Variants in DAB2IP observed in about 807,000 individuals in gnomAD.
The protein encoded by DAB2IP is DAB2 interacting protein, also known as disabled homolog 2-interacting protein.
A neutral mutation model predicts 107.2 loss-of-function variants in DAB2IP; 28 were observed. That is an observed-to-expected ratio of 0.26 (90% CI 0.19 to 0.36). DAB2IP has a LOEUF of 0.36. DAB2IP is among the 10% of genes least tolerant of loss of function. The pLI is 1.00. For missense variants in DAB2IP, 1,400 were observed against 1,644.7 expected, an observed-to-expected ratio of 0.85 and a Z score of 2.57; for synonymous variants, 755 against 706.4, an observed-to-expected ratio of 1.07 and a Z score of -1.09.
At chr9:121,610,796 C>A (rs955286965) in intron 1 of DAB2IP, among the ~76,000 whole-genome samples, 1 of 152,044 alleles carries the variant, frequency 6.6e-6, no homozygotes, top group South Asian at 2.1e-4. Flanking sequence ...AGAGGAAGGG[C>A]GTATTTGAAG....
rs374196620 is a variant in DAB2IP at position 121,770,590 on chromosome 9, C to T, written c.1944C>T (p.Asp648=). 3.0e-5 allele frequency: 49 copies of T among 1,614,012 alleles called. No individual in the cohort carries two copies. In the African/African-American group the frequency reaches 3.6e-4, roughly 12 times the overall value. The stretch of plus-strand genomic sequence containing the variant: ...GACCCCTGCCTCGGATCCTGAGGGA[C>T]GTCCACACAGCACTGAGCACCCCAG... Residue 648 remains aspartate (D), a synonymous_variant, in exon 11 of 16, where the codon GAC becomes GAT. Coordinates refer to ENST00000408936, the Ensembl canonical transcript of DAB2IP.
chr9:121,611,174 A>T (rs922127065), intron 1 of DAB2IP, among the ~76,000 whole-genome samples: 4 of 152,204 alleles, frequency 2.6e-5, no homozygotes, highest in Admixed American at 2.0e-4. Flanking sequence ...AGATTTTGCC[A>T]TGTTGGCCAG....
intron 2 of DAB2IP, among the ~76,000 whole-genome samples, chr9:121,685,447 G>A (rs1044525472): frequency 1.3e-5 from 2 of 152,186 alleles, no homozygotes; most frequent in Admixed American, 6.5e-5. Flanking sequence ...TATTGGTAGG[G>A]TTGGGAGGCT....
At position 121,671,570 on chromosome 9, in the gene DAB2IP, AG is replaced by A. The variant is rs1174489401; in HGVS notation, c.125-7106del. Among the ~76,000 whole-genome samples the A allele has an allele frequency of 8.5e-5, 13 of 152,312 alleles. No homozygotes were observed. In the East Asian group the frequency reaches 1.5e-3, roughly 18 times the overall value. On this transcript the variant is annotated intron_variant, in intron 1 of 15. Transcript: ENST00000408936. ...GTTTGTTTAACCATTCATCTATAGAAGGATGTTTGGTTGTTTCCAGTTTTGG... is the reference window on the plus strand; with the variant it reads ...GTTTGTTTAACCATTCATCTATAGAAGATGTTTGGTTGTTTCCAGTTTTGG...
intron 1 of DAB2IP, among the ~76,000 whole-genome samples, chr9:121,579,255 A>G (rs1830136683): frequency 6.6e-6 from 1 of 152,110 alleles, no homozygotes; most frequent in African/African-American, 2.4e-5. Context: ...CTAGCAGAGA[A>G]TGAGGCCTCA....
Position 121,776,172 on chromosome 9 carries a change from G to A in DAB2IP, c.3121-26G>A, listed in dbSNP as rs1356552495. 6 of 1,557,354 alleles carry A rather than the reference G, an allele frequency of 3.9e-6. No individual in the cohort carries two copies. The African/African-American group carries it at 4.1e-5, about 11-fold the overall frequency. ...GTGCTCTCTGTGTCCTGGGTGCTGT[G>A]CCCGTGGACGCTGCCCTCCTGGTAG... On this transcript the variant is annotated intron_variant, in intron 13 of 15. Coordinates refer to ENST00000408936, the Ensembl canonical transcript of DAB2IP. This position sits in a 1 kb window ranked among gnomAD's most constrained non-coding sequence, Gnocchi z 5.4.
chr9:121,770,418 TG>T, intron 10 of DAB2IP, 127 bp from the exon 11 acceptor site: 1 of 1,033,216 alleles, frequency 9.7e-7, no homozygotes, highest in Non-Finnish European at 1.4e-6. Flanking sequence ...TGGCTCTGAC[TG>T]GCAGCAGGTG....
At chr9:121,764,859 C>G (rs1834156529) in intron 8 of DAB2IP, among the ~76,000 whole-genome samples, 1 of 152,230 alleles carries the variant, frequency 6.6e-6, no homozygotes, top group Non-Finnish European at 1.5e-5. Context: ...CTGATCCCAT[C>G]AGGATAGGGT....
chr9:121,770,661 G>C, exon 11 of DAB2IP: 1 of 1,614,178 alleles, frequency 6.2e-7, no homozygotes, highest in Non-Finnish European at 8.5e-7. Flanking sequence ...TCCACACCGG[G>C]CTCTGGCAGC....
chr9:121,597,651 A>G (rs4837883), intron 1 of DAB2IP, among the ~76,000 whole-genome samples: 36,131 of 152,160 alleles, frequency 0.24, 5,184 homozygotes, highest in South Asian at 0.39. Flanking sequence ...TTACAAAAGG[A>G]TTTCTTGCAT....
exon 16 of DAB2IP, chr9:121,783,342 A>G (rs545195354): frequency 1.4e-6 from 2 of 1,451,094 alleles, no homozygotes; most frequent in South Asian, 2.9e-5. Context: ...ATCTGGCCAG[A>G]TGGCTCTGAG....
chr9:121,618,462 G>A (rs1231874822), intron 1 of DAB2IP, among the ~76,000 whole-genome samples: 1 of 152,080 alleles, frequency 6.6e-6, no homozygotes, highest in Non-Finnish European at 1.5e-5. Context: ...CCAGGTTTAA[G>A]CGGTTCTCCT....
At chr9:121,717,761 C>T (rs960299026) in intron 3 of DAB2IP, among the ~76,000 whole-genome samples, 1 of 152,206 alleles carries the variant, frequency 6.6e-6, no homozygotes, top group African/African-American at 2.4e-5. Flanking sequence ...CACCACCTCC[C>T]TCTTCTTTCT....
intron 3 of DAB2IP, among the ~76,000 whole-genome samples, chr9:121,706,271 G>A (rs562396772): frequency 1.3e-5 from 2 of 152,158 alleles, no homozygotes; most frequent in East Asian, 1.9e-4. Flanking sequence ...CAGAGCAGCC[G>A]GGTGACATGC....
exon 11 of DAB2IP, chr9:121,770,678 A>T (rs1035412946): frequency 6.2e-7 from 1 of 1,614,186 alleles, no homozygotes; most frequent in East Asian, 2.2e-5. Flanking sequence ...CAGCAGCAGC[A>T]TCTCAGCTGG....
intron 1 of DAB2IP, among the ~76,000 whole-genome samples, chr9:121,573,675 A>G (rs1158169974): frequency 6.6e-6 from 1 of 152,110 alleles, no homozygotes; most frequent in Non-Finnish European, 1.5e-5. Flanking sequence ...GAGCCACTGC[A>G]TCTGGCCTAC....
chr9:121,628,940 G>A (rs781236104), intron 1 of DAB2IP, among the ~76,000 whole-genome samples: 3 of 152,186 alleles, frequency 2.0e-5, no homozygotes, highest in Admixed American at 6.5e-5. Flanking sequence ...AAGTGGGACG[G>A]TGGCTTGAGC....
chr9:121,576,909 G>A (rs574251650), intron 1 of DAB2IP, among the ~76,000 whole-genome samples: 5 of 152,246 alleles, frequency 3.3e-5, no homozygotes, highest in East Asian at 1.9e-4. Flanking sequence ...CCTTCCCAGC[G>A]TGTGTCAGAA....
intron 2 of DAB2IP, among the ~76,000 whole-genome samples, chr9:121,688,534 C>A (rs1351586184): frequency 2.0e-5 from 3 of 152,312 alleles, no homozygotes; most frequent in South Asian, 4.1e-4. Flanking sequence ...CCCACAATTC[C>A]TCCCCATCTC....
Sources: gnomAD v4.1 joint callset for allele counts (sites outside exome capture counted in the v4.1 genomes callset) on GRCh38, gnomAD v4.1.1 for gene constraint, Gnocchi (gnomAD v3.1) non-coding constraint, MANE v1.5 for transcripts, NCBI Gene and HGNC (gene_info 2026-07-23, HGNC 2026-07-21) for gene names.